SANBR: variants seen among roughly 807,000 people sequenced by gnomAD.
The protein encoded by SANBR is SANT and BTB domain regulator of CSR, also known as SANT and BTB domain regulator of class switch recombination.
In SANBR, 77 loss-of-function variants were observed where a neutral mutation model predicts 101.8. That is an observed-to-expected ratio of 0.76 (90% CI 0.63 to 0.91). The LOEUF is 0.91. SANBR is among the 40% of genes least tolerant of loss of function. The pLI, the probability that SANBR is intolerant of heterozygous loss-of-function variation, is 0.00. For synonymous variants in SANBR, 279 were observed against 274.7 expected, an observed-to-expected ratio of 1.02 and a Z score of -0.15; for missense variants, 875 against 853.0, an observed-to-expected ratio of 1.03 and a Z score of -0.32.
In SANBR at chr2:61,123,176, A is replaced by G; in HGVS notation, c.*1014A>G. 2 of 981,534 alleles carry G rather than the reference A, an allele frequency of 2.0e-6. No individual in the cohort carries two copies. The highest frequency in any genetic ancestry group is 4.7e-5 in the South Asian group (1 of 21,222). 60.8% of individuals were successfully genotyped at this position (981,534 alleles called of 1,614,324 possible). ...AAAATTTGTTCCAAACTATAACCAT[A>G]TAATAAATTATGTGTTTGTAAATTA... On this transcript the variant is annotated 3_prime_UTR_variant, in exon 22 of 22. Transcript: ENST00000402291.
chr2:61,066,138 G>T (rs1050352290), intron 1 of SANBR, 111 bp downstream of exon 1: 6 of 152,192 alleles, frequency 3.9e-5, no homozygotes, highest in Non-Finnish European at 7.3e-5. Context: ...CACCCCGGGC[G>T]GGGTCCCACT....
Position 61,123,519 on chromosome 2 carries a change from A to G in SANBR, c.*1357A>G. 1.0e-6 allele frequency: 1 copy of G among 970,956 alleles called. No individual in the cohort carries two copies. Among genetic ancestry groups the G allele is most frequent in the Non-Finnish European group, 1.2e-6 (1 of 816,720 alleles). 60.1% of individuals were successfully genotyped at this position (970,956 alleles called of 1,614,324 possible). On this transcript the variant is annotated 3_prime_UTR_variant, in exon 22 of 22. Coordinates refer to ENST00000402291, the MANE Select transcript of SANBR (RefSeq NM_001129993.3). The stretch of plus-strand genomic sequence containing the variant: ...CAATTGTTTGATACTGTGGAAATAG[A>G]CTTTTATTTTCGAAAGAAAATGTCT...
intron 11 of SANBR, 80 bp from the exon 12 acceptor site, chr2:61,097,620 T>C: frequency 1.8e-6 from 2 of 1,083,294 alleles, no homozygotes; most frequent in Non-Finnish European, 2.7e-6. Context: ...ATGGAACATA[T>C]AATATTTGGT....
rs1002948247 is a variant in SANBR at position 61,070,492 on chromosome 2, C to A, written c.142C>A (p.Pro48Thr). 2.4e-5 allele frequency: 39 copies of A among 1,605,164 alleles called. No homozygotes were observed. In the Middle Eastern group the frequency reaches 4.9e-4, roughly 20 times the overall value. The change falls in exon 3 of 22, where the codon CCA becomes ACA. Residue 48 changes from proline to threonine, a missense_variant. Transcript: ENST00000402291. ...TIARLVPGLT[P>T]KECAKRFDEL... is the part of the protein sequence containing the mutation. ...AGCAAGGCTCGTGCCTGGATTAACA[C>A]CAAAAGAGGTAAATAACAGTCCCCC...
intron 6 of SANBR, 130 bp from the exon 7 acceptor site, chr2:61,081,322 A>G (rs1682112137): frequency 1.1e-6 from 1 of 888,142 alleles, no homozygotes; most frequent in Non-Finnish European, 1.6e-6. Flanking sequence ...TATCTAACCC[A>G]TAAGCTATAA....
intron 7 of SANBR, among the ~76,000 whole-genome samples, 169 bp downstream of exon 7, chr2:61,081,679 C>G (rs564588201): frequency 6.6e-6 from 1 of 152,062 alleles, no homozygotes; most frequent in African/African-American, 2.4e-5. Context: ...GACAGAGTCT[C>G]GCTCTGTCAC....
At chr2:61,117,961 T>TA in intron 19 of SANBR, 67 bp from the exon 20 acceptor site, 4 of 1,209,368 alleles carry the variant, frequency 3.3e-6, no homozygotes, top group Non-Finnish European at 4.8e-6. Context: ...ATTACAGTCT[T>TA]TTTGAGAAAT....
intron 12 of SANBR, among the ~76,000 whole-genome samples, chr2:61,103,325 G>T (rs1683386532): frequency 6.6e-6 from 1 of 151,878 alleles, no homozygotes; most frequent in Non-Finnish European, 1.5e-5. Flanking sequence ...CCTTTTTAGA[G>T]ACAGGGTTTT....
chr2:61,097,508 G>A (rs1683085509), intron 11 of SANBR, among the ~76,000 whole-genome samples, 192 bp from the exon 12 acceptor site: 1 of 151,852 alleles, frequency 6.6e-6, no homozygotes, highest in African/African-American at 2.4e-5. Context: ...GATCCCTCAT[G>A]CCCATTTGCT....
At chr2:61,104,847 T>C (rs974991625) in intron 13 of SANBR, among the ~76,000 whole-genome samples, 6 of 150,028 alleles carry the variant, frequency 4.0e-5, no homozygotes, top group South Asian at 2.1e-4. Context: ...GGCAGGCGGA[T>C]CACTTGAGGT....
In SANBR at chr2:61,088,481, T is replaced by TA. The variant is rs1242158731; in HGVS notation, c.1088+17dup. The TA allele has an allele frequency of 2.6e-6, 4 of 1,514,786 alleles. No homozygotes were observed. Among genetic ancestry groups the TA allele is most frequent in the Non-Finnish European group, 3.6e-6 (4 of 1,104,914 alleles). The allele number at this position is 1,514,786 out of a possible 1,614,324, so 93.8% of individuals were successfully genotyped here. ...ATATTCACATAAGGTGTCGTGAAGA[T>TA]AAAATACATACATGTATTTTTGTAT... is the stretch of plus-strand genomic sequence containing the variant. On this transcript the variant is annotated intron_variant, in intron 10 of 21. Transcript: ENST00000402291.
At position 61,092,592 on chromosome 2, in the gene SANBR, GA is replaced by G. The variant is rs769576115; in HGVS notation, c.1212+6del. ...ACTTGTTCAAGATGTTATCAGGTAAGATTTTTTTTTTTAAATATCCTGCTCT... is the reference window on the plus strand; with the variant it reads ...ACTTGTTCAAGATGTTATCAGGTAAGTTTTTTTTTTTAAATATCCTGCTCT... On this transcript the variant is annotated splice_donor_region_variant and intron_variant, in intron 11 of 21. Coordinates refer to ENST00000402291, the MANE Select transcript of SANBR (RefSeq NM_001129993.3). 21 of 1,573,152 alleles carry G rather than the reference GA, an allele frequency of 1.3e-5. No individual in the cohort carries two copies. Among genetic ancestry groups the G allele is most frequent in the African/African-American group, 2.8e-5 (2 of 72,350 alleles).
At chr2:61,073,806 A>G (rs1032463467) in intron 5 of SANBR, among the ~76,000 whole-genome samples, 8 of 152,040 alleles carry the variant, frequency 5.3e-5, no homozygotes, top group Non-Finnish European at 1.0e-4. Flanking sequence ...CTCTTAACAC[A>G]AAACTTTAAA....
chr2:61,098,823 T>A (rs762752653), intron 12 of SANBR, among the ~76,000 whole-genome samples: 1 of 152,242 alleles, frequency 6.6e-6, no homozygotes, highest in African/African-American at 2.4e-5. Flanking sequence ...GAGGATAGCC[T>A]GTAAACTTGG....
Position 61,104,000 on chromosome 2 carries a change from T to C in SANBR, c.1511+2T>C. 1 of 1,613,712 alleles carries C rather than the reference T, an allele frequency of 6.2e-7. No homozygotes were observed. Among genetic ancestry groups the C allele is most frequent in the Non-Finnish European group, 8.5e-7 (1 of 1,179,716 alleles). The stretch of plus-strand genomic sequence containing the variant: ...GCCTTTTTCAAAAGATACAGTTAGG[T>C]GAGGGGTGGAAAAACCCAACACTGT... On this transcript the variant is annotated splice_donor_variant, in intron 13 of 21. Transcript: ENST00000402291. LOFTEE classifies it high-confidence loss of function.
intron 12 of SANBR, among the ~76,000 whole-genome samples, chr2:61,102,329 T>C (rs1355708621): frequency 7.9e-6 from 1 of 127,038 alleles, no homozygotes; most frequent in East Asian, 2.4e-4. Flanking sequence ...ATCGTACCAC[T>C]GCACTCTGGC....
At chr2:61,110,097 C>T (rs866170752) in intron 16 of SANBR, among the ~76,000 whole-genome samples, 1 of 152,130 alleles carries the variant, frequency 6.6e-6, no homozygotes, top group Non-Finnish European at 1.5e-5. Context: ...TGTTTTGTCA[C>T]AATAATTTAC....
intron 12 of SANBR, 122 bp downstream of exon 12, chr2:61,097,974 T>C: frequency 1.5e-6 from 1 of 645,246 alleles, no homozygotes; most frequent in Non-Finnish European, 2.4e-6. Flanking sequence ...TTTATAACAC[T>C]CCCCCATTTT....
In SANBR at chr2:61,098,635, T is replaced by C. The variant is rs532118719; in HGVS notation, c.1365+783T>C. Among the ~76,000 whole-genome samples, 5 of 152,352 alleles carry C rather than the reference T, an allele frequency of 3.3e-5. No individual in the cohort carries two copies. The South Asian group carries it at 6.2e-4, about 19-fold the overall frequency. On this transcript the variant is annotated intron_variant, in intron 12 of 21. Coordinates refer to ENST00000402291, the MANE Select transcript of SANBR (RefSeq NM_001129993.3). ...GTTGCAGTGAATATCCTTGCACATA[T>C]ATATTGGTGCAATGTGTGAGTATTG...
Sources: gnomAD v4.1 joint callset for allele counts (sites outside exome capture counted in the v4.1 genomes callset) on GRCh38, gnomAD v4.1.1 for gene constraint, MANE v1.5 for transcripts, NCBI Gene and HGNC (gene_info 2026-07-23, HGNC 2026-07-21) for gene names.